The following TMEM150C variants were observed in gnomAD, a reference collection of about 807,000 sequenced individuals.
TMEM150C encodes transmembrane protein 150C.
In TMEM150C, 10 loss-of-function variants were observed where a neutral mutation model predicts 29.9. The ratio of observed to expected loss-of-function variants is 0.33; its 90% CI spans 0.21 to 0.57. The LOEUF (loss-of-function observed/expected upper bound fraction) is 0.57, where lower values mean the gene tolerates loss of function less well. Among genes scored for constraint, TMEM150C ranks in the 20% least tolerant of loss-of-function variants. TMEM150C has a pLI of 0.88. For synonymous variants in TMEM150C, 101 were observed against 112.5 expected, an observed-to-expected ratio of 0.90 and a Z score of 0.64; for missense variants, 251 against 303.6, an observed-to-expected ratio of 0.83 and a Z score of 1.29.
rs997033892 is a variant in TMEM150C at position 82,483,395 on chromosome 4, A to C, written c.*2116T>G. On this transcript the variant is annotated 3_prime_UTR_variant, in exon 8 of 8. Coordinates refer to ENST00000449862, the MANE Select transcript of TMEM150C (RefSeq NM_001080506.3). Reference sequence around the variant, plus strand: ...ATATAAAAATGAAAAAAAGAAACCCAAAAGCAGTATTCAAAACTAACAAAT... The same window carrying C: ...ATATAAAAATGAAAAAAAGAAACCCCAAAGCAGTATTCAAAACTAACAAAT... The C allele has an allele frequency of 6.6e-6, 1 of 152,242 alleles. No homozygotes were observed. The highest frequency in any genetic ancestry group is 6.5e-5 in the Admixed American group (1 of 15,288). 9.4% of individuals were successfully genotyped at this position (152,242 alleles called of 1,614,324 possible). A position where few individuals can be genotyped will look rare whatever the true frequency, so the allele number is the denominator to read the frequency against.
intron 7 of TMEM150C, among the ~76,000 whole-genome samples, chr4:82,486,721 G>C (rs2110060292): frequency 6.6e-6 from 1 of 152,074 alleles, no homozygotes; most frequent in East Asian, 1.9e-4. Context: ...CTGCTCTCTA[G>C]CTAGGGTGAC....
At chr4:82,553,080 G>A (rs531439515) in intron 1 of TMEM150C, among the ~76,000 whole-genome samples, 1 of 152,306 alleles carries the variant, frequency 6.6e-6, no homozygotes, top group East Asian at 1.9e-4. Context: ...CCAGTGCATT[G>A]TCACCTTTAT....
chr4:82,532,071 A>G (rs1261137290), intron 1 of TMEM150C, among the ~76,000 whole-genome samples: 1 of 152,216 alleles, frequency 6.6e-6, no homozygotes, highest in Admixed American at 6.5e-5. Flanking sequence ...AACAGTCAGG[A>G]TCAAAGAAAG....
intron 1 of TMEM150C, among the ~76,000 whole-genome samples, chr4:82,540,120 T>C (rs968215494): frequency 2.0e-5 from 1 of 50,184 alleles, no homozygotes; most frequent in African/African-American, 3.8e-4. Flanking sequence ...TATTCTTTTT[T>C]TTTTTTTTTT....
intron 1 of TMEM150C, among the ~76,000 whole-genome samples, chr4:82,543,137 G>A (rs1288750080): frequency 2.0e-5 from 3 of 152,168 alleles, no homozygotes; most frequent in Non-Finnish European, 4.4e-5. Context: ...CCAGGATTGG[G>A]CCCAGGGGGT....
chr4:82,530,951 A>G (rs1286713513), intron 1 of TMEM150C, among the ~76,000 whole-genome samples: 1 of 152,196 alleles, frequency 6.6e-6, no homozygotes, highest in Non-Finnish European at 1.5e-5. Context: ...ATCCTGAGAC[A>G]GCACTAGGGA....
chr4:82,491,112 GGCAGGAAGACAGCTA>G, intron 6 of TMEM150C: 2 of 703,358 alleles, frequency 2.8e-6, no homozygotes. Flanking sequence ...ACACAGGGCA[GGCAGGAAGACAGCTA>G]GCTCGATGGG....
intron 6 of TMEM150C, chr4:82,491,588 AG>A: frequency 4.7e-6 from 3 of 644,434 alleles, no homozygotes; most frequent in Non-Finnish European, 8.3e-6. Context: ...TCATGACAGC[AG>A]GGGCCGGAGC....
chr4:82,527,978 T>C (rs1402467288), intron 1 of TMEM150C, among the ~76,000 whole-genome samples: 1 of 144,738 alleles, frequency 6.9e-6, no homozygotes, highest in Non-Finnish European at 1.5e-5. Context: ...ATAAAAGTAA[T>C]TTGTGATAAT....
At chr4:82,498,326 T>G (rs1400252695) in intron 5 of TMEM150C, among the ~76,000 whole-genome samples, 1 of 150,424 alleles carries the variant, frequency 6.6e-6, no homozygotes, top group Non-Finnish European at 1.5e-5. Flanking sequence ...AGTCCCTCTC[T>G]GTTGCCAGGC....
intron 1 of TMEM150C, among the ~76,000 whole-genome samples, chr4:82,547,940 A>G (rs1296325860): frequency 6.6e-6 from 1 of 152,234 alleles, no homozygotes; most frequent in African/African-American, 2.4e-5. Context: ...TAGCAAAGAC[A>G]TGGAATCAAC....
At chr4:82,539,169 TCTCTTTTTCAAA>T (rs1221955155) in intron 1 of TMEM150C, among the ~76,000 whole-genome samples, 1 of 152,280 alleles carries the variant, frequency 6.6e-6, no homozygotes, top group East Asian at 1.9e-4. Flanking sequence ...AATGAGTATC[TCTCTTTTTCAAA>T]CTCTTTTTCA....
chr4:82,550,901 G>A (rs1490940314), intron 1 of TMEM150C, among the ~76,000 whole-genome samples: 5 of 152,198 alleles, frequency 3.3e-5, no homozygotes, highest in Admixed American at 3.3e-4. Context: ...TAAGATTTCT[G>A]AGGTGAAAAA....
At chr4:82,490,894 G>T in intron 6 of TMEM150C, 1 of 710,122 alleles carries the variant, frequency 1.4e-6, no homozygotes, top group South Asian at 1.4e-5. Flanking sequence ...ACAGACTTGG[G>T]ACCCAGGACA....
intron 1 of TMEM150C, among the ~76,000 whole-genome samples, chr4:82,516,565 A>G (rs949913097): frequency 6.6e-6 from 1 of 152,192 alleles, no homozygotes; most frequent in African/African-American, 2.4e-5. Context: ...AACATACATA[A>G]GACTATTTGA....
At chr4:82,562,226 T>C, upstream of TMEM150C, 1 of 1,284,932 alleles carries the variant, frequency 7.8e-7, no homozygotes, top group Non-Finnish European at 1.0e-6. Flanking sequence ...TGGACGCGTT[T>C]GCCTGGCGCT....
chr4:82,504,759 G>C (rs748728840), intron 1 of TMEM150C, 92 bp from the exon 2 acceptor site: 3 of 1,063,490 alleles, frequency 2.8e-6, no homozygotes, highest in Middle Eastern at 2.2e-4. Flanking sequence ...GGCCAAGCAC[G>C]GTGGCTTACA....
At chr4:82,486,361 A>AAAAAAAAAAAAG (rs1553904912) in intron 7 of TMEM150C, among the ~76,000 whole-genome samples, 1 of 150,702 alleles carries the variant, frequency 6.6e-6, no homozygotes, top group African/African-American at 2.5e-5. Flanking sequence ...AAAAAAAAAA[A>AAAAAAAAAAAAG]AAGAAGAAAG....
chr4:82,559,345 G>GACC (rs1467886662), intron 1 of TMEM150C, among the ~76,000 whole-genome samples: 1 of 149,420 alleles, frequency 6.7e-6, no homozygotes, highest in Admixed American at 6.7e-5. Context: ...AAGAATTCAA[G>GACC]ACCAGCCTGA....
Sources: gnomAD v4.1 joint callset for allele counts (sites outside exome capture counted in the v4.1 genomes callset) on GRCh38, gnomAD v4.1.1 for gene constraint, MANE v1.5 for transcripts, NCBI Gene and HGNC (gene_info 2026-07-23, HGNC 2026-07-21) for gene names.